CADM1: variants seen among roughly 807,000 people sequenced by gnomAD.
The protein encoded by CADM1 is cell adhesion molecule 1.
CADM1 carries 15 observed loss-of-function variants against 53.1 expected under a neutral mutation model. That is an observed-to-expected ratio of 0.28 (90% CI 0.19 to 0.44). The LOEUF is 0.44. Ranked by LOEUF, CADM1 falls within the 20% of genes least tolerant of loss-of-function variation. The pLI is 1.00. For missense variants in CADM1, 434 were observed against 611.3 expected, an observed-to-expected ratio of 0.71 and a Z score of 3.06; for synonymous variants, 281 against 243.0, an observed-to-expected ratio of 1.16 and a Z score of -1.45.
intron 1 of CADM1, among the ~76,000 whole-genome samples, chr11:115,369,233 G>A (rs990200522): frequency 2.0e-5 from 3 of 151,936 alleles, no homozygotes; most frequent in African/African-American, 7.3e-5. Flanking sequence ...AATTTCCACA[G>A]CACCTTCTTT....
chr11:115,497,772 T>C (rs996144942), intron 1 of CADM1, among the ~76,000 whole-genome samples: 4 of 152,154 alleles, frequency 2.6e-5, no homozygotes, highest in Admixed American at 2.6e-4. Flanking sequence ...ATCGTGAATG[T>C]AGGCATTCCT....
At chr11:115,244,658 C>T (rs1366690616) in intron 1 of CADM1, among the ~76,000 whole-genome samples, 1 of 152,198 alleles carries the variant, frequency 6.6e-6, no homozygotes, top group Non-Finnish European at 1.5e-5. Flanking sequence ...TTCTCCGGCC[C>T]ACACAGCTTG....
chr11:115,324,541 C>A (rs1314635609), intron 1 of CADM1, among the ~76,000 whole-genome samples: 1 of 152,052 alleles, frequency 6.6e-6, no homozygotes, highest in Admixed American at 6.5e-5. Context: ...CAGACAGAGA[C>A]CTTAAAAAGC....
intron 1 of CADM1, among the ~76,000 whole-genome samples, chr11:115,323,846 G>T (rs1944888615): frequency 6.6e-6 from 1 of 151,818 alleles, no homozygotes; most frequent in South Asian, 2.1e-4. Flanking sequence ...TCATTATGTG[G>T]CAGTGGTTTC....
At chr11:115,351,860 A>C (rs1019771354) in intron 1 of CADM1, among the ~76,000 whole-genome samples, 17 of 152,190 alleles carry the variant, frequency 1.1e-4, no homozygotes, top group Non-Finnish European at 2.4e-4. Flanking sequence ...TGAAGTAGGC[A>C]AGACAAAGAT....
intron 1 of CADM1, among the ~76,000 whole-genome samples, chr11:115,478,848 G>C (rs1216652775): frequency 6.6e-6 from 1 of 152,060 alleles, no homozygotes; most frequent in Admixed American, 6.5e-5. Flanking sequence ...AGTAGATATA[G>C]ATCTACATCA....
chr11:115,215,863 G>A (rs188533579), intron 6 of CADM1, among the ~76,000 whole-genome samples: 236 of 152,316 alleles, frequency 1.5e-3, no homozygotes, highest in African/African-American at 5.3e-3. Flanking sequence ...TAGGAGCAGC[G>A]ACACGACAAG....
chr11:115,227,097 T>G (rs535979382), intron 5 of CADM1, among the ~76,000 whole-genome samples: 18 of 152,324 alleles, frequency 1.2e-4, no homozygotes, highest in Admixed American at 8.5e-4. Flanking sequence ...ATGATTTTCT[T>G]GGATAAAAAA....
intron 1 of CADM1, among the ~76,000 whole-genome samples, chr11:115,399,937 C>T (rs1252766100): frequency 6.6e-6 from 1 of 152,124 alleles, no homozygotes; most frequent in African/African-American, 2.4e-5. Context: ...ACACATGCTG[C>T]ATAATTTGCT....
intron 1 of CADM1, among the ~76,000 whole-genome samples, chr11:115,312,073 TCA>T (rs1168040502): frequency 6.6e-6 from 1 of 152,076 alleles, no homozygotes; most frequent in Non-Finnish European, 1.5e-5. Context: ...TACAAGAAGC[TCA>T]CAGTCTGGTA....
At chr11:115,450,767 G>A (rs1300436446) in intron 1 of CADM1, among the ~76,000 whole-genome samples, 6 of 152,158 alleles carry the variant, frequency 3.9e-5, no homozygotes, top group African/African-American at 1.4e-4. Context: ...TTCAAAGCTT[G>A]CAAGTTTCTA....
chr11:115,484,606 A>C (rs1431261255), intron 1 of CADM1, among the ~76,000 whole-genome samples: 1 of 152,186 alleles, frequency 6.6e-6, no homozygotes, highest in Non-Finnish European at 1.5e-5. Context: ...ACCATGGTAA[A>C]GACACAATTT....
At chr11:115,306,351 T>C (rs187705995) in intron 1 of CADM1, among the ~76,000 whole-genome samples, 166 of 152,108 alleles carry the variant, frequency 1.1e-3, no homozygotes, top group Non-Finnish European at 1.9e-3. Flanking sequence ...ACACCATCTA[T>C]GTTTATGTAA....
intron 1 of CADM1, among the ~76,000 whole-genome samples, chr11:115,278,449 C>T (rs1158321887): frequency 1.3e-5 from 2 of 152,056 alleles, no homozygotes; most frequent in Non-Finnish European, 2.9e-5. Context: ...ATGAATATTT[C>T]AGAAAGGACT....
chr11:115,503,734 G>T (rs1488282962), intron 1 of CADM1, among the ~76,000 whole-genome samples: 1 of 152,144 alleles, frequency 6.6e-6, no homozygotes, highest in Admixed American at 6.5e-5. Flanking sequence ...GGGCAGGGGA[G>T]ATCAGACAAG....
chr11:115,291,600 CCTTCCT>C (rs550656686), intron 1 of CADM1, among the ~76,000 whole-genome samples: 1,529 of 152,302 alleles, frequency 0.01, 9 homozygotes, highest in Non-Finnish European at 0.016. Context: ...TGCTAGCCTT[CCTTCCT>C]CTTCAAGAAT....
At chr11:115,239,743 T>C (rs12421812) in intron 2 of CADM1, among the ~76,000 whole-genome samples, 28,490 of 151,404 alleles carry the variant, frequency 0.19, 2,927 homozygotes, top group South Asian at 0.34. Flanking sequence ...ATTTGATTCT[T>C]GCTCTTACTA....
intron 1 of CADM1, among the ~76,000 whole-genome samples, chr11:115,308,175 G>GTA (rs1555061126): frequency 4.1e-4 from 48 of 117,446 alleles, no homozygotes; most frequent in African/African-American, 1.6e-3. Flanking sequence ...GTGTGTGTGT[G>GTA]TATATCACTC....
intron 8 of CADM1, among the ~76,000 whole-genome samples, chr11:115,201,629 T>C (rs1313511135): frequency 6.6e-6 from 1 of 152,144 alleles, no homozygotes; most frequent in Non-Finnish European, 1.5e-5. Context: ...ATGTAAGTGA[T>C]AAATGCTATA....
Sources: gnomAD v4.1 joint callset for allele counts (sites outside exome capture counted in the v4.1 genomes callset) on GRCh38, gnomAD v4.1.1 for gene constraint, MANE v1.5 for transcripts, NCBI Gene and HGNC (gene_info 2026-07-23, HGNC 2026-07-21) for gene names.